The following SASH3 variants were observed in gnomAD, a reference collection of about 807,000 sequenced individuals.
SASH3 encodes the protein SAM and SH3 domain-containing protein 3.
SASH3 carries 7 observed loss-of-function variants against 26.1 expected under a neutral mutation model. The observed-to-expected ratio is 0.27, with a 90% CI of 0.15 to 0.50. SASH3 has a LOEUF of 0.50. Among genes scored for constraint, SASH3 ranks in the 20% least tolerant of loss-of-function variants. SASH3 has a pLI of 0.98. For missense variants in SASH3, 231 were observed against 318.3 expected (o/e 0.73, Z 2.09); for synonymous variants, 138 against 136.8 (o/e 1.01, Z -0.06).
In SASH3 at chrX:129,788,302, G is replaced by C. The variant is rs138306992; in HGVS notation, c.154-129G>C. The C allele has an allele frequency of 4.3e-3, 2,871 of 661,083 alleles. 40 individuals carry two copies. The African/African-American group carries it at 0.053, about 12-fold the overall frequency. 54.5% of individuals were successfully genotyped at this position (661,083 alleles called of 1,213,427 possible). A position where few individuals can be genotyped will look rare whatever the true frequency, so the allele number is the denominator to read the frequency against. ...TAAGGACATGGCTGGGGTTAAGAGGGGAGGGGATGGGGGCCTCTCAGTTCC... is the reference window on the plus strand; with the variant it reads ...TAAGGACATGGCTGGGGTTAAGAGGCGAGGGGATGGGGGCCTCTCAGTTCC... On this transcript the variant is annotated intron_variant, in intron 2 of 7. Transcript: ENST00000356892.
At chrX:129,786,852 G>A (rs939893248) in intron 1 of SASH3, among the ~76,000 whole-genome samples, 6 of 109,892 alleles carry the variant, frequency 5.5e-5, no homozygotes, top group Admixed American at 1.9e-4. Context: ...AAAATTAGCC[G>A]GGCCTGGTGG....
In SASH3 at chrX:129,793,868, C is replaced by T. The variant is rs1927280302; in HGVS notation, c.*36C>T. ...GCAATAGGCCAAGGCTGGGACCCAG[C>T]TGCAAAGGCTGTAGGAGTGGGCCCA... On this transcript the variant is annotated 3_prime_UTR_variant, in exon 8 of 8. Transcript: ENST00000356892. 1 of 1,127,939 alleles carries T rather than the reference C, an allele frequency of 8.9e-7. No homozygotes were observed. Among genetic ancestry groups the T allele is most frequent in the Non-Finnish European group, 1.2e-6 (1 of 841,277 alleles). The allele number at this position is 1,127,939 out of a possible 1,213,427, so 93.0% of individuals were successfully genotyped here. A position where few individuals can be genotyped will look rare whatever the true frequency, so the allele number is the denominator to read the frequency against.
intron 1 of SASH3, among the ~76,000 whole-genome samples, chrX:129,781,650 G>A (rs909843010): frequency 8.9e-5 from 10 of 112,624 alleles, no homozygotes; most frequent in African/African-American, 2.9e-4. Context: ...TCAGGAAGAC[G>A]TACCTAGGGG....
Position 129,792,388 on chromosome X carries a change from C to A in SASH3, c.503C>A (p.Pro168His). The A allele has an allele frequency of 8.3e-7, 1 of 1,211,700 alleles. No individual in the cohort carries two copies. The highest frequency in any genetic ancestry group is 1.1e-6 in the Non-Finnish European group (1 of 895,263). The stretch of plus-strand genomic sequence containing the variant: ...AGCTTCGGGGAGGAACCACCTGCCC[C>A]CCAGTACACAGGGCCTTTCTGTGGC... Reference protein sequence around the residue: ...SGSFGEEPPAPQYTGPFCGRA... With the variant: ...SGSFGEEPPAHQYTGPFCGRA... The change falls in exon 5 of 8, where the codon CCC becomes CAC. Residue 168 changes from proline (P) to histidine (H), a missense_variant. Physicochemically the swap from Pro to His is moderately conservative, Grantham distance 77. Coordinates refer to ENST00000356892, the MANE Select transcript of SASH3 (RefSeq NM_018990.4).
Position 129,794,149 on chromosome X carries a change from C to T in SASH3, c.*317C>T, listed in dbSNP as rs1927289368. ...CACAGCAAGTGGGGCACTGGGAAAC[C>T]CTGCCCATGTCCCTCACCAACAAGG... is the stretch of plus-strand genomic sequence containing the variant. On this transcript the variant is annotated 3_prime_UTR_variant, in exon 8 of 8. Transcript: ENST00000356892. 1 of 313,394 alleles carries T rather than the reference C, an allele frequency of 3.2e-6. No homozygotes were observed. 25.8% of individuals were successfully genotyped at this position (313,394 alleles called of 1,213,427 possible). A position where few individuals can be genotyped will look rare whatever the true frequency, so the allele number is the denominator to read the frequency against.
chrX:129,789,129 G>GAAAGAAAGAA (rs1927171490), intron 3 of SASH3, among the ~76,000 whole-genome samples: 1 of 42,800 alleles, frequency 2.3e-5, no homozygotes, highest in Admixed American at 3.2e-4. Context: ...AAGAAAGAAA[G>GAAAGAAAGAA]AAAGAAAGAA....
At chrX:129,790,642 C>T (rs1927213306) in intron 3 of SASH3, among the ~76,000 whole-genome samples, 1 of 111,195 alleles carries the variant, frequency 9.0e-6, no homozygotes, top group Admixed American at 9.4e-5. Context: ...ATGGTTGAGT[C>T]CAGGTTGTGC....
In SASH3 at chrX:129,780,104, C is replaced by T. The variant is rs368987935; in HGVS notation, c.7C>T (p.Arg3Cys). The T allele has an allele frequency of 9.1e-6, 11 of 1,210,772 alleles. No individual in the cohort carries two copies. Among genetic ancestry groups the T allele is most frequent in the Non-Finnish European group, 1.1e-5 (10 of 894,796 alleles). ...TCTCCCAGGGTGGAGGACCATGCTG[C>T]GCCGCAAGCCCTCCAATGCCAGTGA... MLRRKPSNASEKE... is the reference protein window; with the variant it reads MLCRKPSNASEKE... The change falls in exon 1 of 8, where the codon CGC (arginine) becomes TGC (cysteine). Residue 3 changes from arginine to cysteine, a missense_variant. Arg to Cys is a radical substitution (Grantham distance 180, BLOSUM62 -3). Transcript: ENST00000356892.
intron 3 of SASH3, among the ~76,000 whole-genome samples, chrX:129,790,621 G>A (rs770014595): frequency 2.2e-4 from 25 of 111,414 alleles, no homozygotes; most frequent in Admixed American, 5.7e-4. Context: ...CTGCCCAGTT[G>A]TGCGGTAGCA....
chrX:129,784,293 T>C (rs2124073648), intron 1 of SASH3, among the ~76,000 whole-genome samples: 1 of 112,164 alleles, frequency 8.9e-6, no homozygotes, highest in African/African-American at 3.2e-5. Context: ...TACTATTCTT[T>C]TGTGTGACTC....
chrX:129,788,940 T>C (rs1266508896), intron 3 of SASH3, among the ~76,000 whole-genome samples: 1 of 108,992 alleles, frequency 9.2e-6, no homozygotes, highest in African/African-American at 3.4e-5. Context: ...CCATCTCTAC[T>C]AAAAATACAA....
chrX:129,781,185 C>T (rs1351236589), intron 1 of SASH3, among the ~76,000 whole-genome samples: 6 of 112,382 alleles, frequency 5.3e-5, no homozygotes, highest in Admixed American at 2.8e-4. Flanking sequence ...CCCTGGAACT[C>T]AGCCCAGGTG....
intron 3 of SASH3, 69 bp downstream of exon 3, chrX:129,788,646 A>G: frequency 8.4e-6 from 9 of 1,067,812 alleles, no homozygotes; most frequent in Non-Finnish European, 1.2e-5. Flanking sequence ...GAATGTGAGC[A>G]TGACCACCTC....
intron 1 of SASH3, among the ~76,000 whole-genome samples, chrX:129,784,890 T>C (rs1927079765): frequency 9.0e-6 from 1 of 110,551 alleles, no homozygotes; most frequent in African/African-American, 3.3e-5. Context: ...ATATATACTC[T>C]TTGGTGGCCC....
chrX:129,792,658 C>T lies in SASH3; in HGVS notation c.623C>T (p.Pro208Leu). 1 of 1,210,818 alleles carries T rather than the reference C, an allele frequency of 8.3e-7. No individual in the cohort carries two copies. The highest frequency in any genetic ancestry group is 1.1e-6 in the Non-Finnish European group (1 of 895,376). ...GATGTGATCCAGATCATTGAAAAGC[C>T]ACCTGTGGGCACGTGGCTGGGCCTA... Reference protein sequence around the residue: ...KGDVIQIIEKPPVGTWLGLLN... With the variant: ...KGDVIQIIEKLPVGTWLGLLN... Residue 208 changes from proline (P) to leucine (L), a missense_variant, in exon 6 of 8, where the codon CCA (proline) becomes CTA (leucine). Transcript: ENST00000356892.
chrX:129,784,792 C>T (rs970585755), intron 1 of SASH3, among the ~76,000 whole-genome samples: 5 of 110,739 alleles, frequency 4.5e-5, no homozygotes, highest in African/African-American at 1.6e-4. Flanking sequence ...CCCTTTCTCC[C>T]ACAGTAACCA....
chrX:129,788,137 G>GGGTTGGT, intron 2 of SASH3, 67 bp downstream of exon 2: 1 of 354,273 alleles, frequency 2.8e-6, no homozygotes, highest in South Asian at 3.1e-5. Context: ...GGGTGGGAGG[G>GGGTTGGT]AAGAGGGTGA....
chrX:129,782,199 G>A (rs778499236), intron 1 of SASH3, among the ~76,000 whole-genome samples: 33 of 111,961 alleles, frequency 2.9e-4, no homozygotes, highest in Non-Finnish European at 3.4e-4. Context: ...CTGAAAAGGA[G>A]GATAACTCCT....
At chrX:129,784,967 C>T (rs1327877412) in intron 1 of SASH3, among the ~76,000 whole-genome samples, 2 of 105,675 alleles carry the variant, frequency 1.9e-5, no homozygotes, top group Non-Finnish European at 3.9e-5. Flanking sequence ...TGAGTATACT[C>T]AATGTATATT....
Sources: gnomAD v4.1 joint callset for allele counts (sites outside exome capture counted in the v4.1 genomes callset) on GRCh38, gnomAD v4.1.1 for gene constraint, MANE v1.5 for transcripts, NCBI Gene and HGNC (gene_info 2026-07-23, HGNC 2026-07-21) for gene names.